Variants in ARL15 observed in about 807,000 individuals in gnomAD.
ARL15 encodes ADP-ribosylation factor-like protein 15.
A neutral mutation model predicts 25.2 loss-of-function variants in ARL15; 19 were observed. The observed-to-expected ratio is 0.75, with a 90% CI of 0.53 to 1.10. The LOEUF (loss-of-function observed/expected upper bound fraction) is 1.10, where lower values mean the gene tolerates loss of function less well. ARL15 is among the 50% of genes least tolerant of loss of function. ARL15 has a pLI of 0.00. For missense variants in ARL15, 220 were observed against 246.0 expected, an observed-to-expected ratio of 0.89 and a Z score of 0.71; for synonymous variants, 94 against 86.8, an observed-to-expected ratio of 1.08 and a Z score of -0.46.
chr5:54,269,818 T>C (rs879871079), intron 1 of ARL15, among the ~76,000 whole-genome samples: 2 of 152,172 alleles, frequency 1.3e-5, no homozygotes, highest in Non-Finnish European at 2.9e-5. Flanking sequence ...GCTAATTTTT[T>C]GTATTTTTAA....
At chr5:54,087,864 T>C (rs565475991) in intron 4 of ARL15, among the ~76,000 whole-genome samples, 2 of 149,922 alleles carry the variant, frequency 1.3e-5, no homozygotes, top group South Asian at 2.1e-4. Context: ...TTAGTAGAGA[T>C]GAGGCTTCAC....
At chr5:54,260,247 TA>T (rs1263899664) in intron 1 of ARL15, among the ~76,000 whole-genome samples, 1 of 152,154 alleles carries the variant, frequency 6.6e-6, no homozygotes, top group African/African-American at 2.4e-5. Context: ...ACTCTGAGCT[TA>T]AATGCAAACC....
chr5:54,178,598 T>G (rs1231232607), intron 1 of ARL15, among the ~76,000 whole-genome samples: 3 of 152,224 alleles, frequency 2.0e-5, no homozygotes, highest in Non-Finnish European at 4.4e-5. Context: ...ATATATTTCT[T>G]ACATAGTTGG....
intron 1 of ARL15, among the ~76,000 whole-genome samples, chr5:54,258,744 G>C (rs1757428159): frequency 2.0e-5 from 3 of 152,226 alleles, no homozygotes; most frequent in African/African-American, 7.2e-5. Flanking sequence ...ATGAAAAACA[G>C]ATTCTCCCTA....
At chr5:54,148,025 T>C (rs2112330825) in intron 3 of ARL15, among the ~76,000 whole-genome samples, 1 of 152,156 alleles carries the variant, frequency 6.6e-6, no homozygotes, top group Non-Finnish European at 1.5e-5. Flanking sequence ...ACTGTGAAAA[T>C]GCGTAAGATA....
chr5:54,020,449 C>T (rs931733531), intron 4 of ARL15, among the ~76,000 whole-genome samples: 1 of 152,144 alleles, frequency 6.6e-6, no homozygotes, highest in East Asian at 1.9e-4. Context: ...GTATGCCTAC[C>T]CACCAGATGC....
intron 4 of ARL15, among the ~76,000 whole-genome samples, chr5:53,937,492 G>C (rs1404620894): frequency 1.3e-5 from 2 of 152,184 alleles, no homozygotes; most frequent in African/African-American, 4.8e-5. Flanking sequence ...CAACATTTCA[G>C]TCAAGGATGG....
intron 1 of ARL15, among the ~76,000 whole-genome samples, chr5:54,295,279 A>C (rs1292748807): frequency 2.0e-5 from 3 of 152,222 alleles, no homozygotes; most frequent in African/African-American, 7.2e-5. Context: ...CATGAAATGG[A>C]AAATAGTCAC....
intron 4 of ARL15, among the ~76,000 whole-genome samples, chr5:53,909,544 T>G (rs1745385699): frequency 1.3e-5 from 2 of 152,078 alleles, no homozygotes; most frequent in Non-Finnish European, 2.9e-5. Context: ...CTGTCTCTAC[T>G]AAAAATACAA....
At chr5:54,291,058 C>A (rs770675975) in intron 1 of ARL15, among the ~76,000 whole-genome samples, 19 of 152,184 alleles carry the variant, frequency 1.2e-4, no homozygotes, top group Non-Finnish European at 2.4e-4. Context: ...GGTCTAACAA[C>A]CACTTAAAGG....
At position 53,886,721 on chromosome 5, in the gene ARL15, G is replaced by A; in HGVS notation, c.463-8C>T. On this transcript the variant is annotated splice_region_variant and splice_polypyrimidine_tract_variant and intron_variant, in intron 4 of 4. Transcript: ENST00000504924. Reference sequence around the variant, plus strand: ...TTCAAAATATTTTTTGATCTTAAGAGGAAAAAATAAAGATAAATAGGTTAT... The same window carrying A: ...TTCAAAATATTTTTTGATCTTAAGAAGAAAAAATAAAGATAAATAGGTTAT... 6.5e-7 allele frequency: 1 copy of A among 1,537,244 alleles called. No individual in the cohort carries two copies. The highest frequency in any genetic ancestry group is 8.7e-7 in the Non-Finnish European group (1 of 1,144,108).
intron 4 of ARL15, among the ~76,000 whole-genome samples, chr5:53,977,084 T>C (rs1479370680): frequency 2.0e-5 from 3 of 152,074 alleles, no homozygotes; most frequent in South Asian, 4.1e-4. Context: ...CTAGGCAAGG[T>C]GCGGTGGCTC....
chr5:54,252,259 A>G (rs887066521), intron 1 of ARL15, among the ~76,000 whole-genome samples: 5 of 152,224 alleles, frequency 3.3e-5, no homozygotes, highest in Non-Finnish European at 7.3e-5. Context: ...ATGTTGATCT[A>G]GTAGTTAAGG....
intron 1 of ARL15, among the ~76,000 whole-genome samples, chr5:54,214,851 G>A (rs1453168214): frequency 6.6e-6 from 1 of 152,154 alleles, no homozygotes; most frequent in African/African-American, 2.4e-5. Flanking sequence ...ACATTGGAAG[G>A]AGGTATGATC....
intron 4 of ARL15, chr5:53,887,373 T>G: frequency 2.9e-6 from 2 of 700,890 alleles, no homozygotes; most frequent in South Asian, 1.5e-5. Flanking sequence ...TCTTTTTCAG[T>G]CCTGAATTTT....
chr5:54,217,767 T>C, intron 1 of ARL15, among the ~76,000 whole-genome samples: 1 of 152,204 alleles, frequency 6.6e-6, no homozygotes, highest in East Asian at 1.9e-4. Flanking sequence ...TGAGAAATTA[T>C]AATCATTATT....
chr5:54,187,474 C>G (rs1391507253), intron 1 of ARL15, among the ~76,000 whole-genome samples: 1 of 152,176 alleles, frequency 6.6e-6, no homozygotes, highest in Non-Finnish European at 1.5e-5. Flanking sequence ...GGACATAAAA[C>G]AGAACATATT....
intron 3 of ARL15, among the ~76,000 whole-genome samples, chr5:54,118,002 T>G (rs1454942825): frequency 1.3e-5 from 2 of 152,176 alleles, no homozygotes; most frequent in African/African-American, 4.8e-5. Context: ...TCTACACTAC[T>G]CAGTGAACCA....
At chr5:54,264,728 C>T (rs1482601988) in intron 1 of ARL15, among the ~76,000 whole-genome samples, 3 of 152,148 alleles carry the variant, frequency 2.0e-5, no homozygotes, top group African/African-American at 7.2e-5. Flanking sequence ...CCTACATATC[C>T]ACATGGCTAA....
Sources: allele counts gnomAD v4.1 joint callset (sites outside exome capture counted in the v4.1 genomes callset), GRCh38; gene constraint gnomAD v4.1.1; transcripts MANE v1.5; gene names NCBI Gene and HGNC (gene_info 2026-07-23, HGNC 2026-07-21).